ABCA13: variants seen among roughly 807,000 people sequenced by gnomAD.
ABCA13 encodes ATP-binding cassette sub-family A member 13.
A neutral mutation model predicts 478.7 loss-of-function variants in ABCA13; 476 were observed. That is an observed-to-expected ratio of 0.99 (90% CI 0.92 to 1.07). The LOEUF is 1.07. ABCA13 is among the 50% of genes least tolerant of loss of function. The probability of loss-of-function intolerance (pLI) is 0.00; values close to 1 mark genes in which losing one functional copy is unlikely to be tolerated. For missense variants in ABCA13, 6,060 were observed against 5,910.6 expected (o/e 1.03, Z -0.83); for synonymous variants, 2,252 against 2,158.9 (o/e 1.04, Z -1.20).
At chr7:48,428,829 A>G (rs1821768912) in intron 42 of ABCA13, among the ~76,000 whole-genome samples, 1 of 152,228 alleles carries the variant, frequency 6.6e-6, no homozygotes, top group Admixed American at 6.5e-5. Flanking sequence ...TCACTCATAT[A>G]AATGGGACCA....
intron 30 of ABCA13, among the ~76,000 whole-genome samples, chr7:48,351,694 G>C (rs1809023206): frequency 6.6e-6 from 1 of 152,182 alleles, no homozygotes; most frequent in Non-Finnish European, 1.5e-5. Context: ...CTGAGGTACT[G>C]GGGGTTAGGA....
intron 3 of ABCA13, among the ~76,000 whole-genome samples, chr7:48,213,560 T>C (rs1371191671): frequency 6.6e-6 from 1 of 152,192 alleles, no homozygotes; most frequent in Non-Finnish European, 1.5e-5. Context: ...GAGGTGGAAG[T>C]GGCTGTGGCT....
chr7:48,501,814 A>G (rs951997962), intron 48 of ABCA13, among the ~76,000 whole-genome samples: 1 of 152,112 alleles, frequency 6.6e-6, no homozygotes, highest in African/African-American at 2.4e-5. Context: ...ATTGGGATCC[A>G]TTGCGGCTCA....
At chr7:48,570,181 T>G (rs1048245117) in intron 55 of ABCA13, among the ~76,000 whole-genome samples, 1 of 152,072 alleles carries the variant, frequency 6.6e-6, no homozygotes, top group African/African-American at 2.4e-5. Context: ...CCTAAGGAAT[T>G]GACCCTTCTA....
intron 45 of ABCA13, among the ~76,000 whole-genome samples, chr7:48,472,051 C>T (rs1349421304): frequency 6.6e-6 from 1 of 152,038 alleles, no homozygotes; most frequent in Non-Finnish European, 1.5e-5. Context: ...GTAGGTGTGC[C>T]ACTATTGAGG....
At position 48,569,056 on chromosome 7, in the gene ABCA13, C is replaced by A. The variant is rs1787353416; in HGVS notation, c.14355-11168C>A. On this transcript the variant is annotated intron_variant, in intron 55 of 61. Transcript: ENST00000435803. ...GCTATGAGTTTGTAGATTTGATTGA[C>A]CTTAAAGAATCAAGATTTGATTATG... Among the ~76,000 whole-genome samples, 3 of 151,982 alleles carry A rather than the reference C, an allele frequency of 2.0e-5. No homozygotes were observed. In the South Asian group the frequency reaches 6.2e-4, roughly 32 times the overall value.
chr7:48,462,443 T>TTCC (rs1554523602), intron 43 of ABCA13, among the ~76,000 whole-genome samples: 3 of 148,280 alleles, frequency 2.0e-5, no homozygotes, highest in South Asian at 2.2e-4. Context: ...AGTAAAGGAT[T>TTCC]CCCCCCCCCC....
At chr7:48,570,204 G>A (rs1284189031) in intron 55 of ABCA13, among the ~76,000 whole-genome samples, 1 of 145,854 alleles carries the variant, frequency 6.9e-6, no homozygotes, top group Non-Finnish European at 1.5e-5. Context: ...GTTATAAGAT[G>A]TTTTTCTTTG....
intron 42 of ABCA13, among the ~76,000 whole-genome samples, chr7:48,452,710 T>C (rs376908772): frequency 6.6e-6 from 1 of 152,208 alleles, no homozygotes; most frequent in Admixed American, 6.5e-5. Flanking sequence ...GGTTGTGACA[T>C]TTGGTGAACT....
chr7:48,224,767 G>A (rs1165724531), intron 5 of ABCA13, among the ~76,000 whole-genome samples: 1 of 152,200 alleles, frequency 6.6e-6, no homozygotes, highest in Non-Finnish European at 1.5e-5. Context: ...TTCAGAGCGT[G>A]TGCTCCCTGA....
chr7:48,410,576 C>A lies in ABCA13; in HGVS notation c.12127C>A (p.Arg4043Ser). 1.2e-6 allele frequency: 2 copies of A among 1,613,986 alleles called. No individual in the cohort carries two copies. Among genetic ancestry groups the A allele is most frequent in the Non-Finnish European group, 8.5e-7 (1 of 1,179,886 alleles). ...GGATGAAGCTGAAGCGCTGAGTGACCGCGTGGCCGTCCTCCAGCATGGGAG... is the reference window on the plus strand; with the variant it reads ...GGATGAAGCTGAAGCGCTGAGTGACAGCGTGGCCGTCCTCCAGCATGGGAG... ...HLDEAEALSD[R>S]VAVLQHGRLR... Residue 4043 changes from arginine to serine, a missense_variant, in exon 40 of 62, where the codon CGC (arginine) becomes AGC (serine). This residue lies in a region of ABCA13 where 1,627 missense variants were observed against 1,571.0 expected (regional missense o/e 1.04). Transcript: ENST00000435803.
intron 20 of ABCA13, among the ~76,000 whole-genome samples, chr7:48,293,200 C>CG (rs1428133931): frequency 1.5e-5 from 2 of 136,538 alleles, no homozygotes; most frequent in African/African-American, 5.2e-5. Flanking sequence ...CAGCCCCCCC[C>CG]CCGCCACACA....
intron 5 of ABCA13, among the ~76,000 whole-genome samples, chr7:48,221,742 T>C (rs1787390814): frequency 6.6e-6 from 1 of 152,244 alleles, no homozygotes; most frequent in African/African-American, 2.4e-5. Context: ...GACATATTTT[T>C]GGTTGTCATA....
At chr7:48,393,135 C>T (rs758768368) in intron 38 of ABCA13, among the ~76,000 whole-genome samples, 6 of 152,148 alleles carry the variant, frequency 3.9e-5, no homozygotes, top group African/African-American at 4.8e-5. Flanking sequence ...GATTAGAGAA[C>T]AAAGTGGTGT....
intron 42 of ABCA13, among the ~76,000 whole-genome samples, chr7:48,449,217 T>G (rs1824687121): frequency 1.3e-5 from 2 of 152,204 alleles, no homozygotes; most frequent in African/African-American, 4.8e-5. Context: ...AGCACCCACA[T>G]GCCACAAAAA....
rs1554419806 is a variant in ABCA13 at position 48,293,204 on chromosome 7, C to CCA, written c.8956-2486_8956-2485dup. On this transcript the variant is annotated intron_variant, in intron 20 of 61. Transcript: ENST00000435803. ...TGAGAAGTCTTCAGCCCCCCCCCCG[C>CCA]CACACACACACTAAATCTACCTCAG... 1.5e-3 allele frequency among the ~76,000 whole-genome samples: 193 copies of CCA among 131,372 alleles called. 3 individuals are homozygous for CCA. Among genetic ancestry groups the CCA allele is most frequent in the East Asian group, 6.8e-3 (28 of 4,116 alleles). The allele number at this position is 131,372 out of a possible 152,430, so 86.2% of individuals were successfully genotyped here.
intron 29 of ABCA13, among the ~76,000 whole-genome samples, chr7:48,344,972 G>A (rs1425318126): frequency 1.3e-5 from 2 of 152,178 alleles, no homozygotes; most frequent in South Asian, 4.1e-4. Flanking sequence ...GAGTTTTTGT[G>A]TGGAGCTGCT....
chr7:48,359,219 T>C (rs1006105548), intron 31 of ABCA13, among the ~76,000 whole-genome samples: 13 of 151,882 alleles, frequency 8.6e-5, no homozygotes, highest in African/African-American at 2.9e-4. Flanking sequence ...ATGCTCTGAG[T>C]GGCAGCCCAC....
chr7:48,274,299 C>T lies in ABCA13; in HGVS notation c.4633C>T (p.Leu1545Phe). Residue 1545 changes from leucine to phenylalanine, a missense_variant, in exon 17 of 62, where the codon CTT (leucine) becomes TTT (phenylalanine). Around this residue, in one of 3 missense-constraint regions of ABCA13, gnomAD observed 4,423 missense variants for 4,309.1 expected, o/e 1.03. Coordinates refer to ENST00000435803, the MANE Select transcript of ABCA13 (RefSeq NM_152701.5). ...TCCTAATCAGTTTCAAAATATTTGG[C>T]TTCATTTAATAACACTGGGGAAGGA... Reference protein sequence around the residue: ...EIPNQFQNIWLHLITLGKEFQ... With the variant: ...EIPNQFQNIWFHLITLGKEFQ... The T allele has an allele frequency of 5.6e-6, 9 of 1,613,238 alleles. No homozygotes were observed. Among genetic ancestry groups the T allele is most frequent in the Non-Finnish European group, 6.8e-6 (8 of 1,179,616 alleles).
Sources: gnomAD v4.1 joint callset for allele counts (sites outside exome capture counted in the v4.1 genomes callset) on GRCh38, gnomAD v4.1.1 for gene constraint, gnomAD v4.1.1 regional missense constraint, MANE v1.5 for transcripts, NCBI Gene and HGNC (gene_info 2026-07-23, HGNC 2026-07-21) for gene names.